Variants in CATSPERE observed in about 807,000 individuals in gnomAD.
The protein encoded by CATSPERE is catsper channel auxiliary subunit epsilon.
Under a neutral mutation model 114.1 loss-of-function variants are expected in CATSPERE, and 93 were observed. The ratio of observed to expected loss-of-function variants is 0.81; its 90% CI spans 0.69 to 0.97. The LOEUF (loss-of-function observed/expected upper bound fraction) is 0.97. Ranked by LOEUF, CATSPERE falls within the 50% of genes least tolerant of loss-of-function variation. The probability of loss-of-function intolerance (pLI) is 0.00; values close to 1 mark genes in which losing one functional copy is unlikely to be tolerated. For synonymous variants in CATSPERE, 341 were observed against 384.1 expected (o/e 0.89, Z 1.31); for missense variants, 1,058 against 1,131.6 (o/e 0.93, Z 0.93).
At chr1:244,608,324 G>T (rs540344650) in intron 18 of CATSPERE, among the ~76,000 whole-genome samples, 4 of 152,010 alleles carry the variant, frequency 2.6e-5, no homozygotes, top group South Asian at 2.1e-4. Context: ...CTTGAGCCTA[G>T]GAGTCTGAGA....
chr1:244,627,000 C>T (rs1393105437), intron 20 of CATSPERE, among the ~76,000 whole-genome samples: 1 of 152,222 alleles, frequency 6.6e-6, no homozygotes, highest in East Asian at 1.9e-4. Context: ...TTTCAACATG[C>T]CTTCCTCACT....
chr1:244,524,526 G>C (rs1250412627), intron 8 of CATSPERE, among the ~76,000 whole-genome samples: 2 of 149,402 alleles, frequency 1.3e-5, no homozygotes, highest in African/African-American at 5.1e-5. Flanking sequence ...CACAGCAAAA[G>C]AAACTACCAT....
At chr1:244,562,575 A>G (rs946640802) in intron 10 of CATSPERE, among the ~76,000 whole-genome samples, 1 of 152,228 alleles carries the variant, frequency 6.6e-6, no homozygotes, top group African/African-American at 2.4e-5. Context: ...TATCATTTTC[A>G]TAGAATCTGT....
At chr1:244,550,124 C>T (rs1660380830) in intron 8 of CATSPERE, among the ~76,000 whole-genome samples, 1 of 152,162 alleles carries the variant, frequency 6.6e-6, no homozygotes, top group Non-Finnish European at 1.5e-5. Flanking sequence ...TCTGTTGGTT[C>T]TCCTGGTTCT....
At chr1:244,491,466 G>C (rs1423861697) in intron 6 of CATSPERE, among the ~76,000 whole-genome samples, 1 of 151,846 alleles carries the variant, frequency 6.6e-6, no homozygotes, top group Non-Finnish European at 1.5e-5. Context: ...GAAATTTATA[G>C]CACTAAATGC....
At chr1:244,593,355 A>G (rs1667971670) in intron 15 of CATSPERE, 40 bp from the exon 16 acceptor site, 2 of 1,606,444 alleles carry the variant, frequency 1.2e-6, no homozygotes, top group Non-Finnish European at 1.7e-6. Flanking sequence ...TTAAGTTTGA[A>G]AAGAGGAAAG....
upstream of CATSPERE, among the ~76,000 whole-genome samples, chr1:244,460,979 T>C (rs564259358): frequency 2.0e-5 from 3 of 152,370 alleles, no homozygotes; most frequent in Admixed American, 6.5e-5. Flanking sequence ...CTGCCAGATA[T>C]GTATTTGCTA....
chr1:244,455,626 G>GA (rs1666081054), intron 1 of CATSPERE, among the ~76,000 whole-genome samples: 2 of 151,522 alleles, frequency 1.3e-5, no homozygotes, highest in African/African-American at 4.8e-5. Context: ...TGTTTTTCTG[G>GA]AAAAAGATTA....
At chr1:244,527,698 G>T (rs1185436713) in intron 8 of CATSPERE, among the ~76,000 whole-genome samples, 1 of 152,218 alleles carries the variant, frequency 6.6e-6, no homozygotes, top group East Asian at 1.9e-4. Context: ...TATGTTCAGA[G>T]ATTGCAGTAA....
At chr1:244,611,052 A>G (rs986425197) in intron 19 of CATSPERE, among the ~76,000 whole-genome samples, 1 of 151,964 alleles carries the variant, frequency 6.6e-6, no homozygotes, top group Non-Finnish European at 1.5e-5. Context: ...GAGCCACCGC[A>G]CCCAGCCTCC....
intron 2 of CATSPERE, among the ~76,000 whole-genome samples, chr1:244,474,233 C>T (rs1668925677): frequency 6.6e-6 from 1 of 152,016 alleles, no homozygotes; most frequent in African/African-American, 2.4e-5. Context: ...GGGGTTTTTA[C>T]CATGTTGGCC....
Position 244,625,854 on chromosome 1 carries a change from G to A in CATSPERE, c.2648+8168G>A, listed in dbSNP as rs141594952. On this transcript the variant is annotated intron_variant, in intron 20 of 21. Transcript: ENST00000366534. ...TCCTTTTGCCTCGGCCTCCCAAAGT[G>A]CTGGGATTACAGGTGTGAGCCACCA... 9.4e-3 allele frequency among the ~76,000 whole-genome samples: 1,433 copies of A among 152,022 alleles called. 6 individuals carry two copies. The highest frequency in any genetic ancestry group is 0.037 in the Middle Eastern group (11 of 294).
intron 6 of CATSPERE, among the ~76,000 whole-genome samples, chr1:244,494,313 G>GA (rs1262945076): frequency 6.6e-6 from 1 of 151,872 alleles, no homozygotes; most frequent in Non-Finnish European, 1.5e-5. Flanking sequence ...GGACATGGAT[G>GA]AAACTGGAAA....
chr1:244,486,424 C>T (rs1447560415), intron 5 of CATSPERE, among the ~76,000 whole-genome samples: 1 of 148,662 alleles, frequency 6.7e-6, no homozygotes, highest in Non-Finnish European at 1.5e-5. Flanking sequence ...GGTGGTTCAG[C>T]GTGTGGAATA....
At chr1:244,588,938 C>T (rs1443471237) in intron 14 of CATSPERE, among the ~76,000 whole-genome samples, 2 of 152,142 alleles carry the variant, frequency 1.3e-5, no homozygotes, top group African/African-American at 4.8e-5. Context: ...ACTGCTTACA[C>T]CCATATCAGA....
intron 20 of CATSPERE, among the ~76,000 whole-genome samples, chr1:244,628,637 C>A (rs1238683967): frequency 1.3e-5 from 2 of 152,148 alleles, no homozygotes; most frequent in Admixed American, 1.3e-4. Context: ...TTTACCCCTG[C>A]CTGTGATTAT....
intron 11 of CATSPERE, among the ~76,000 whole-genome samples, chr1:244,576,444 T>G (rs534939990): frequency 1.1e-4 from 16 of 150,180 alleles, no homozygotes; most frequent in African/African-American, 3.4e-4. Context: ...AATTTTACTT[T>G]CTGCAGAAAG....
intron 5 of CATSPERE, among the ~76,000 whole-genome samples, chr1:244,480,866 T>C (rs1670167364): frequency 6.6e-6 from 1 of 152,228 alleles, no homozygotes; most frequent in Non-Finnish European, 1.5e-5. Flanking sequence ...CTGCTACTCA[T>C]GAAACCGGCA....
chr1:244,518,482 A>C (rs1295429898), intron 7 of CATSPERE, 110 bp from the exon 8 acceptor site: 2 of 688,052 alleles, frequency 2.9e-6, no homozygotes, highest in Non-Finnish European at 5.0e-6. Context: ...TAAATTTACA[A>C]ATGTAAGCAA....
Sources: gnomAD v4.1 joint callset for allele counts (sites outside exome capture counted in the v4.1 genomes callset) on GRCh38, gnomAD v4.1.1 for gene constraint, MANE v1.5 for transcripts, NCBI Gene and HGNC (gene_info 2026-07-23, HGNC 2026-07-21) for gene names.